Variants in NDUFV2 observed in about 807,000 individuals in gnomAD.
The protein encoded by NDUFV2 is NADH dehydrogenase [ubiquinone] flavoprotein 2, mitochondrial.
NDUFV2 carries 18 observed loss-of-function variants against 31.6 expected under a neutral mutation model. The observed-to-expected ratio is 0.57, with a 90% CI of 0.39 to 0.84. The LOEUF (loss-of-function observed/expected upper bound fraction) is 0.84, where lower values mean the gene tolerates loss of function less well. NDUFV2 is among the 40% of genes least tolerant of loss of function. The pLI, the probability that NDUFV2 is intolerant of heterozygous loss-of-function variation, is 0.00. For synonymous variants in NDUFV2, 83 were observed against 99.8 expected (o/e 0.83, Z 1.01); for missense variants, 314 against 303.6 (o/e 1.03, Z -0.26).
chr18:9,105,882 T>A (rs2077839304), intron 1 of NDUFV2, among the ~76,000 whole-genome samples: 1 of 152,244 alleles, frequency 6.6e-6, no homozygotes, highest in African/African-American at 2.4e-5. Context: ...GAAGTTTGTG[T>A]CTGGTAATCT....
chr18:9,127,206 T>A (rs143467357), intron 7 of NDUFV2, among the ~76,000 whole-genome samples: 261 of 152,318 alleles, frequency 1.7e-3, no homozygotes, highest in African/African-American at 6.0e-3. Flanking sequence ...TCCCTCTAAT[T>A]TCTACCTAAA....
intron 6 of NDUFV2, 68 bp from the exon 7 acceptor site, chr18:9,126,753 AGTGAGACCTT>A (rs2077993979): frequency 7.7e-7 from 1 of 1,302,968 alleles, no homozygotes; most frequent in Non-Finnish European, 1.1e-6. Flanking sequence ...TGGGCAACAT[AGTGAGACCTT>A]GTCTCTATAA....
chr18:9,112,017 G>GTTTTT (rs10659823), intron 1 of NDUFV2, among the ~76,000 whole-genome samples: 3 of 122,352 alleles, frequency 2.5e-5, no homozygotes, highest in African/African-American at 3.2e-5. Context: ...CATCAGAAGG[G>GTTTTT]TTTTTTTTTT....
chr18:9,117,434 A>C, intron 1 of NDUFV2: 1 of 225,126 alleles, frequency 4.4e-6, no homozygotes, highest in Non-Finnish European at 9.0e-6. Context: ...TATATGACTC[A>C]TTTGTACAGA....
intron 7 of NDUFV2, among the ~76,000 whole-genome samples, chr18:9,129,202 A>C (rs1388888673): frequency 6.6e-6 from 1 of 152,054 alleles, no homozygotes. Flanking sequence ...TGGCCTCCCA[A>C]AGTGCTGGGA....
chr18:9,102,751 T>C lies in NDUFV2; in HGVS notation c.8T>C (p.Phe3Ser), dbSNP rs758463496. 3.8e-5 allele frequency: 61 copies of C among 1,588,538 alleles called. No individual in the cohort carries two copies. The highest frequency in any genetic ancestry group is 4.6e-5 in the Non-Finnish European group (54 of 1,169,672). The change falls in exon 1 of 8, where the codon TTC becomes TCC. Residue 3 changes from phenylalanine (F) to serine (S), a missense_variant. Phe to Ser is a radical substitution (Grantham distance 155). Transcript: ENST00000318388. The part of the protein sequence containing the change: MF[F>S]SAALRARAAG... ...TGAACAGTGTGGCCCGCCATGTTCT[T>C]CTCCGCGGCGCTCCGGGCCCGGGCG...
rs190809230 is a variant in NDUFV2, at chr18:9,104,313, G to C, written c.54+1516G>C. The C allele has an allele frequency of 7.5e-6, 12 of 1,603,936 alleles. No individual in the cohort carries two copies. The Admixed American group carries it at 1.5e-4, about 20-fold the overall frequency. On this transcript the variant is annotated intron_variant, in intron 1 of 7. Transcript: ENST00000318388. ...TGCCATACTAAAGAATTTGATTTTA[G>C]AGGCCGTCAGGAGTCAGTGAAAGGT... is the stretch of plus-strand genomic sequence containing the variant.
At chr18:9,107,599 A>G (rs1264492410) in intron 1 of NDUFV2, among the ~76,000 whole-genome samples, 2 of 152,224 alleles carry the variant, frequency 1.3e-5, no homozygotes, top group Non-Finnish European at 2.9e-5. Flanking sequence ...TAAATGCCCA[A>G]GATCACACAG....
intron 5 of NDUFV2, among the ~76,000 whole-genome samples, chr18:9,124,290 A>G (rs558646028): frequency 5.3e-5 from 8 of 151,114 alleles, no homozygotes; most frequent in Non-Finnish European, 1.2e-4. Context: ...CTGTAAAAAA[A>G]TTTTTAATTT....
At chr18:9,110,448 C>T (rs546401222) in intron 1 of NDUFV2, among the ~76,000 whole-genome samples, 5 of 152,108 alleles carry the variant, frequency 3.3e-5, no homozygotes, top group South Asian at 2.1e-4. Flanking sequence ...TGAAAAAAAC[C>T]GAGAGCTAAG....
intron 1 of NDUFV2, 123 bp downstream of exon 1, chr18:9,102,920 A>G: frequency 1.9e-6 from 2 of 1,069,552 alleles, no homozygotes; most frequent in East Asian, 2.9e-5. Context: ...CGGCAAGGAC[A>G]CTGCGGCCTT....
At chr18:9,108,676 T>C (rs1179478676) in intron 1 of NDUFV2, among the ~76,000 whole-genome samples, 1 of 145,362 alleles carries the variant, frequency 6.9e-6, no homozygotes, top group Non-Finnish European at 1.5e-5. Context: ...GAAAAACTTT[T>C]GTTTTTCATG....
At chr18:9,112,113 G>C (rs2077874306) in intron 1 of NDUFV2, among the ~76,000 whole-genome samples, 1 of 150,788 alleles carries the variant, frequency 6.6e-6, no homozygotes, top group Non-Finnish European at 1.5e-5. Flanking sequence ...CCACCTCCTG[G>C]GTTCAAGCAA....
At chr18:9,130,463 C>G (rs1477206342) in intron 7 of NDUFV2, among the ~76,000 whole-genome samples, 1 of 152,084 alleles carries the variant, frequency 6.6e-6, no homozygotes, top group Admixed American at 6.6e-5. Flanking sequence ...AAAAAGCAGA[C>G]AAAAGTCTAC....
At position 9,102,805 on chromosome 18, in the gene NDUFV2, G is replaced by T; in HGVS notation, c.54+8G>T. 6.4e-7 allele frequency: 1 copy of T among 1,560,004 alleles called. No homozygotes were observed. Among genetic ancestry groups the T allele is most frequent in the Non-Finnish European group, 8.7e-7 (1 of 1,154,330 alleles). ...GGCCTCACCGCCCACTGGGTAAGGA[G>T]GCTCAAGCTGAGCCCGGCGCTGCCG... On this transcript the variant is annotated splice_region_variant and intron_variant, in intron 1 of 7. Transcript: ENST00000318388.
At chr18:9,104,899 C>A in intron 1 of NDUFV2, 2 of 1,483,836 alleles carry the variant, frequency 1.3e-6, no homozygotes, top group Non-Finnish European at 9.1e-7. Context: ...GTCTTGTCAA[C>A]CTGGAAATTA....
intron 2 of NDUFV2, among the ~76,000 whole-genome samples, chr18:9,118,549 G>C (rs1220744306): frequency 6.6e-6 from 1 of 152,112 alleles, no homozygotes; most frequent in African/African-American, 2.4e-5. Context: ...ATTGTCCAGA[G>C]TGTCTGTTTT....
intron 1 of NDUFV2, among the ~76,000 whole-genome samples, chr18:9,114,144 A>G (rs1413027533): frequency 6.6e-6 from 1 of 152,206 alleles, no homozygotes; most frequent in Admixed American, 6.5e-5. Context: ...GCACAAACCT[A>G]AGACCCATGG....
At chr18:9,130,547 G>A (rs2078031263) in intron 7 of NDUFV2, among the ~76,000 whole-genome samples, 1 of 152,116 alleles carries the variant, frequency 6.6e-6, no homozygotes, top group African/African-American at 2.4e-5. Flanking sequence ...AGCAATACTA[G>A]AATGTCTTGT....
Sources: allele counts gnomAD v4.1 joint callset (sites outside exome capture counted in the v4.1 genomes callset), GRCh38; gene constraint gnomAD v4.1.1; transcripts MANE v1.5; gene names NCBI Gene and HGNC (gene_info 2026-07-23, HGNC 2026-07-21).